ADAR: variants seen among roughly 807,000 people sequenced by gnomAD.
The protein encoded by ADAR is double-stranded RNA-specific adenosine deaminase.
In ADAR, 41 loss-of-function variants were observed where a neutral mutation model predicts 113.2. The observed-to-expected ratio is 0.36, with a 90% CI of 0.28 to 0.47. The LOEUF is 0.47. ADAR is among the 20% of genes least tolerant of loss of function. The probability of loss-of-function intolerance (pLI) is 1.00; values close to 1 mark genes in which losing one functional copy is unlikely to be tolerated. For synonymous variants in ADAR, 605 were observed against 572.6 expected, an observed-to-expected ratio of 1.06 and a Z score of -0.81; for missense variants, 1,242 against 1,540.9, an observed-to-expected ratio of 0.81 and a Z score of 3.25.
chr1:154,601,106 G>C lies in ADAR; in HGVS notation c.1536C>G (p.Ala512=). Residue 512 remains alanine, a synonymous_variant, in exon 2 of 15, where the codon GCC becomes GCG. Coordinates refer to ENST00000368474, the MANE Select transcript of ADAR (RefSeq NM_001111.5). The surrounding 1 kb of genome is among the most constrained non-coding windows in gnomAD (Gnocchi z 4.7). Reference sequence around the variant, plus strand: ...ACTCACAGGTTTGACTAGCGAACTGGGCATATTCTAACAGCCCGCTGATGG... The same window carrying C: ...ACTCACAGGTTTGACTAGCGAACTGCGCATATTCTAACAGCCCGCTGATGG... ...KNPISGLLEY[A]QFASQTCEFN... The C allele has an allele frequency of 6.2e-7, 1 of 1,614,156 alleles. No homozygotes were observed. The highest frequency in any genetic ancestry group is 8.5e-7 in the Non-Finnish European group (1 of 1,180,032).
At chr1:154,619,863 C>T (rs1698739626) in intron 1 of ADAR, among the ~76,000 whole-genome samples, 1 of 152,184 alleles carries the variant, frequency 6.6e-6, no homozygotes, top group South Asian at 2.1e-4. Flanking sequence ...AATGGTACGA[C>T]TAACTATTCG....
chr1:154,624,984 T>C (rs1052941858), intron 1 of ADAR, among the ~76,000 whole-genome samples: 2 of 152,162 alleles, frequency 1.3e-5, no homozygotes, highest in African/African-American at 2.4e-5. Context: ...CTGTGTGTAA[T>C]AAGCACTGGG....
intron 1 of ADAR, chr1:154,627,775 A>T: frequency 4.0e-6 from 2 of 497,948 alleles, no homozygotes; most frequent in Non-Finnish European, 4.0e-6. Context: ...CTCTAACATC[A>T]ACGCCAGAGA....
At chr1:154,593,851 A>T (rs551535390) in intron 6 of ADAR, among the ~76,000 whole-genome samples, 1 of 152,282 alleles carries the variant, frequency 6.6e-6, no homozygotes, top group East Asian at 1.9e-4. Flanking sequence ...ATAACACATA[A>T]ATATGAATAA....
intron 2 of ADAR, 160 bp downstream of exon 2, chr1:154,600,881 G>C (rs1047271213): frequency 2.0e-6 from 2 of 1,021,780 alleles, no homozygotes; most frequent in Non-Finnish European, 3.0e-6. Flanking sequence ...CTCAATATCT[G>C]GAGAAAGGGC....
chr1:154,584,045 T>C lies in ADAR; in HGVS notation c.*761A>G, dbSNP rs774860683. 1.3e-5 allele frequency: 2 copies of C among 152,240 alleles called. No individual in the cohort carries two copies. The highest frequency in any genetic ancestry group is 6.5e-5 in the Admixed American group (1 of 15,286). The allele number at this position is 152,240 out of a possible 1,614,324, so 9.4% of individuals were successfully genotyped here. A position where few individuals can be genotyped will look rare whatever the true frequency, so the allele number is the denominator to read the frequency against. On this transcript the variant is annotated 3_prime_UTR_variant, in exon 15 of 15. Transcript: ENST00000368474. ...ATCCTGCCGGGTGAAACCTCTGCTA[T>C]TGCTTGAGCAGCTCCCTTAACCCAG... is the stretch of plus-strand genomic sequence containing the variant.
chr1:154,585,577 T>G, intron 13 of ADAR, 176 bp downstream of exon 13: 6 of 876,754 alleles, frequency 6.8e-6, no homozygotes, highest in Non-Finnish European at 1.1e-5. Context: ...AGGAAGAAAG[T>G]TTAAGTTCTT....
intron 1 of ADAR, among the ~76,000 whole-genome samples, chr1:154,606,976 T>C (rs2101663888): frequency 6.6e-6 from 1 of 151,036 alleles, no homozygotes; most frequent in East Asian, 1.9e-4. Context: ...AAAATTGAGG[T>C]ATATAATTTA....
chr1:154,585,508 ACT>A, intron 13 of ADAR, 164 bp from the exon 14 acceptor site: 2 of 996,130 alleles, frequency 2.0e-6, no homozygotes. Flanking sequence ...AGACATACTA[ACT>A]CCACCTCGAT....
Position 154,585,978 on chromosome 1 carries a change from C to G in ADAR, c.3203-113G>C, listed in dbSNP as rs1696732863. On this transcript the variant is annotated intron_variant, in intron 12 of 14. Coordinates refer to ENST00000368474, the MANE Select transcript of ADAR (RefSeq NM_001111.5). ...AGATATAGTTGTCAAGAAAGAGAAACAGCTGCCTTGTTAGGAAGCACCTTC... is the reference window on the plus strand; with the variant it reads ...AGATATAGTTGTCAAGAAAGAGAAAGAGCTGCCTTGTTAGGAAGCACCTTC... 2.5e-5 allele frequency: 30 copies of G among 1,218,216 alleles called. No homozygotes were observed. The South Asian group carries it at 3.6e-4, about 15-fold the overall frequency. 75.5% of individuals were successfully genotyped at this position (1,218,216 alleles called of 1,614,324 possible).
chr1:154,601,636 C>T lies in ADAR; in HGVS notation c.1006G>A (p.Asp336Asn), dbSNP rs763575197. 2.5e-6 allele frequency: 4 copies of T among 1,613,812 alleles called. No homozygotes were observed. The Admixed American group carries it at 6.7e-5, about 27-fold the overall frequency. The change falls in exon 2 of 15, where the codon GAC (aspartate) becomes AAC (asparagine). Residue 336 changes from aspartate to asparagine, a missense_variant. Transcript: ENST00000368474. The surrounding 1 kb of genome is among the most constrained non-coding windows in gnomAD (Gnocchi z 4.7). The part of the protein sequence containing the change: ...KARDINAVLI[D>N]MERQGDVYRQ... ...TAGACATCCCCCTGCCTTTCCATGT[C>T]AATTAGCACAGCATTTATATCTCGG...
rs190881240 is a variant in ADAR, at chr1:154,589,751, A to G, written c.2668+6T>C. On this transcript the variant is annotated splice_donor_region_variant and intron_variant, in intron 8 of 14. Coordinates refer to ENST00000368474, the MANE Select transcript of ADAR (RefSeq NM_001111.5). ...GGGAGGCGGCATGTCTCAGAGCCTC[A>G]CTCACCTGTTCCCAAGCTGACGACG... The G allele has an allele frequency of 2.3e-3, 3,647 of 1,613,954 alleles. 18 individuals carry two copies. The highest frequency in any genetic ancestry group is 5.6e-3 in the South Asian group (512 of 91,072).
In ADAR at chr1:154,585,209, C is replaced by T. The variant is rs9427094; in HGVS notation, c.3443+8G>A. The T allele has an allele frequency of 0.47, 759,880 of 1,613,746 alleles. 182,154 individuals carry two copies. Among genetic ancestry groups the T allele is most frequent in the East Asian group, 0.56 (25,012 of 44,846 alleles). On this transcript the variant is annotated splice_region_variant and intron_variant, in intron 14 of 14. Transcript: ENST00000368474. Reference sequence around the variant, plus strand: ...CTTGGTCCTCACTGCGCTCTCCTGTCTCCTTACCCATCCACAGTGCCTCTG... The same window carrying T: ...CTTGGTCCTCACTGCGCTCTCCTGTTTCCTTACCCATCCACAGTGCCTCTG...
In ADAR at chr1:154,588,559, C is replaced by G; in HGVS notation, c.2877G>C (p.Leu959=). The change falls in exon 10 of 15, where the codon CTG becomes CTC. Residue 959 remains leucine, a synonymous_variant. Transcript: ENST00000368474. ...ACAGGAACTGTACAGACCTGATATA[C>G]AGATGGAATGACACAGTCTTTTTTA... ...LQIKKTVSFH[L]YISTAPCGDG... 1 of 1,614,032 alleles carries G rather than the reference C, an allele frequency of 6.2e-7. No individual in the cohort carries two copies. Among genetic ancestry groups the G allele is most frequent in the Non-Finnish European group, 8.5e-7 (1 of 1,180,030 alleles).
intron 8 of ADAR, 64 bp from the exon 9 acceptor site, chr1:154,589,526 G>C: frequency 6.9e-7 from 1 of 1,455,230 alleles, no homozygotes; most frequent in East Asian, 2.3e-5. Context: ...CAGGATGAAG[G>C]CTATTTGTTC....
intron 13 of ADAR, 98 bp downstream of exon 13, chr1:154,585,655 C>G: frequency 9.1e-7 from 1 of 1,100,490 alleles, no homozygotes; most frequent in Non-Finnish European, 1.4e-6. Flanking sequence ...CCACTGTGGG[C>G]AATGTTCCCC....
rs886711022 is a variant in ADAR at position 154,583,828 on chromosome 1, C to T, written c.*978G>A. On this transcript the variant is annotated 3_prime_UTR_variant, in exon 15 of 15. Coordinates refer to ENST00000368474, the MANE Select transcript of ADAR (RefSeq NM_001111.5). The stretch of plus-strand genomic sequence containing the variant: ...ACGTTAAGCCAACAGGATTTTTTGC[C>T]CTTATTCTTGCTAAGTCATGATTAT... 2 of 152,156 alleles carry T rather than the reference C, an allele frequency of 1.3e-5. No individual in the cohort carries two copies. Among genetic ancestry groups the T allele is most frequent in the African/African-American group, 4.8e-5 (2 of 41,416 alleles). The allele number at this position is 152,156 out of a possible 1,614,324, so 9.4% of individuals were successfully genotyped here. A position where few individuals can be genotyped will look rare whatever the true frequency, so the allele number is the denominator to read the frequency against.
intron 1 of ADAR, among the ~76,000 whole-genome samples, chr1:154,606,935 T>TA (rs3058643): frequency 0.11 from 3,717 of 32,598 alleles, 47 homozygotes; most frequent in Middle Eastern, 0.19. Flanking sequence ...AAGGAGTGCT[T>TA]AAAAAAAAAA....
chr1:154,585,657 A>G (rs747778325), intron 13 of ADAR, 96 bp downstream of exon 13: 74 of 1,120,936 alleles, frequency 6.6e-5, no homozygotes, highest in Admixed American at 2.1e-4. Flanking sequence ...ACTGTGGGCA[A>G]TGTTCCCCTT....
Sources: allele counts gnomAD v4.1 joint callset (sites outside exome capture counted in the v4.1 genomes callset), GRCh38; gene constraint gnomAD v4.1.1; non-coding constraint Gnocchi (gnomAD v3.1); transcripts MANE v1.5; gene names NCBI Gene and HGNC (gene_info 2026-07-23, HGNC 2026-07-21).